Variants in CMC1 observed in about 807,000 individuals in gnomAD.
The protein encoded by CMC1 is COX assembly mitochondrial protein homolog.
In CMC1, 14 loss-of-function variants were observed where a neutral mutation model predicts 14.1. The ratio of observed to expected loss-of-function variants is 0.99; its 90% CI spans 0.66 to 1.55. The LOEUF is 1.55. Among genes scored for constraint, CMC1 ranks in the 40% most tolerant of loss-of-function variants. The pLI is 0.00. For missense variants in CMC1, 127 were observed against 123.8 expected (o/e 1.03, Z -0.12); for synonymous variants, 50 against 38.4 (o/e 1.30, Z -1.12).
rs77259676 is a variant in CMC1, at chr3:28,245,187, T to A, written c.19+3375T>A. 9.3e-3 allele frequency among the ~76,000 whole-genome samples: 1,423 copies of A among 152,320 alleles called. 12 individuals are homozygous for A. The highest frequency in any genetic ancestry group is 0.014 in the Non-Finnish European group (977 of 68,026). On this transcript the variant is annotated intron_variant, in intron 1 of 3. Transcript: ENST00000466830. ...TTTTCATTTGGCAGCAACTTTTAAT[T>A]AACTTTGTAGGGTCTCTGTTTTCCT... is the stretch of plus-strand genomic sequence containing the variant.
intron 2 of CMC1, among the ~76,000 whole-genome samples, chr3:28,293,396 C>A (rs1701582804): frequency 6.6e-6 from 1 of 150,762 alleles, no homozygotes; most frequent in South Asian, 2.1e-4. Context: ...GAAGAGAAAA[C>A]CACTGAAGAG....
intron 1 of CMC1, among the ~76,000 whole-genome samples, chr3:28,246,185 CAA>C (rs879872776): frequency 2.3e-5 from 3 of 131,126 alleles, no homozygotes; most frequent in Admixed American, 1.5e-4. Flanking sequence ...TGGCTCAGAA[CAA>C]AAAAAAAAAG....
rs1698518865 is a variant in CMC1 at position 28,241,696 on chromosome 3, G to C, written c.-98G>C. ...TGTTTCTGTTGCGGGAAGCTCCCGG[G>C]GGTCGCACGTGCGTCCGAGCCCAAG... On this transcript the variant is annotated 5_prime_UTR_variant, in exon 1 of 4. Transcript: ENST00000466830. 6 of 1,237,062 alleles carry C rather than the reference G, an allele frequency of 4.9e-6. No individual in the cohort carries two copies. Among genetic ancestry groups the C allele is most frequent in the Non-Finnish European group, 5.1e-6 (5 of 987,858 alleles). 76.6% of individuals were successfully genotyped at this position (1,237,062 alleles called of 1,614,324 possible).
In CMC1 at chr3:28,285,939, G is replaced by T. The variant is rs183743146; in HGVS notation, c.109+22559G>T. ...GCCACCACACCCGGCTAATTTTTTT[G>T]TATTTTTAGTAGAGACGGGGTTTCA... On this transcript the variant is annotated intron_variant, in intron 2 of 3. Coordinates refer to ENST00000466830, the MANE Select transcript of CMC1 (RefSeq NM_182523.2). Among the ~76,000 whole-genome samples, 190 of 152,018 alleles carry T rather than the reference G, an allele frequency of 1.2e-3. 1 individual carries two copies. In the East Asian group the frequency reaches 0.036, roughly 29 times the overall value.
intron 2 of CMC1, among the ~76,000 whole-genome samples, chr3:28,287,572 A>T (rs1056747222): frequency 2.0e-5 from 3 of 152,138 alleles, no homozygotes; most frequent in Non-Finnish European, 2.9e-5. Context: ...GCACATTTCT[A>T]TACTAAATTT....
intron 1 of CMC1, among the ~76,000 whole-genome samples, chr3:28,247,664 T>A (rs949027733): frequency 2.6e-5 from 4 of 152,216 alleles, no homozygotes; most frequent in African/African-American, 7.2e-5. Flanking sequence ...GTTAGGAATC[T>A]TAGTTGGATA....
At chr3:28,263,725 C>T (rs1453082606) in intron 2 of CMC1, among the ~76,000 whole-genome samples, 1 of 152,020 alleles carries the variant, frequency 6.6e-6, no homozygotes, top group Non-Finnish European at 1.5e-5. Flanking sequence ...TAACATATAC[C>T]TGTTTCCCAT....
chr3:28,243,997 A>G (rs1411297692), intron 1 of CMC1, among the ~76,000 whole-genome samples: 2 of 152,234 alleles, frequency 1.3e-5, no homozygotes, highest in African/African-American at 4.8e-5. Flanking sequence ...GTGCTTGGCC[A>G]TCAGGTAGCA....
chr3:28,245,082 C>A (rs901436746), intron 1 of CMC1, among the ~76,000 whole-genome samples: 1 of 151,598 alleles, frequency 6.6e-6, no homozygotes, highest in African/African-American at 2.4e-5. Flanking sequence ...ATAATAGATA[C>A]ACCAATTGAG....
At chr3:28,267,636 A>G (rs1700073787) in intron 2 of CMC1, among the ~76,000 whole-genome samples, 1 of 152,210 alleles carries the variant, frequency 6.6e-6, no homozygotes, top group Non-Finnish European at 1.5e-5. Context: ...TGTTTGTTTG[A>G]AACATCACAG....
At position 28,324,026 on chromosome 3, in the gene CMC1, G is replaced by A. The variant is rs375666124; in HGVS notation, c.*4397G>A. 5.0e-6 allele frequency: 8 copies of A among 1,584,918 alleles called. No individual in the cohort carries two copies. Among genetic ancestry groups the A allele is most frequent in the South Asian group, 3.4e-5 (3 of 88,776 alleles). On this transcript the variant is annotated 3_prime_UTR_variant, in exon 4 of 4. Transcript: ENST00000466830. ...AGATAAGTGTCCTCATGGTGAAATC[G>A]TGAATCTCTTCCAAATTAATTCTTA... is the stretch of plus-strand genomic sequence containing the variant.
rs1336753787 is a variant in CMC1 at position 28,321,644 on chromosome 3, C to G, written c.*2015C>G. 6.6e-6 allele frequency: 1 copy of G among 151,312 alleles called. No individual in the cohort carries two copies. The highest frequency in any genetic ancestry group is 1.5e-5 in the Non-Finnish European group (1 of 67,526). 9.4% of individuals were successfully genotyped at this position (151,312 alleles called of 1,614,324 possible). The stretch of plus-strand genomic sequence containing the variant: ...TTTACCCCTTAAGATACACCTTCTC[C>G]AAGTAGCCTTTCTGAATTAAGATCA... On this transcript the variant is annotated 3_prime_UTR_variant, in exon 4 of 4. Transcript: ENST00000466830.
chr3:28,300,637 T>G (rs1281425042), intron 2 of CMC1, among the ~76,000 whole-genome samples: 2 of 71,536 alleles, frequency 2.8e-5, no homozygotes, highest in Non-Finnish European at 2.9e-5. Flanking sequence ...CTCCATCCCT[T>G]TCCCTCCCTC....
In CMC1 at chr3:28,244,778, G is replaced by A. The variant is rs115670987; in HGVS notation, c.19+2966G>A. Among the ~76,000 whole-genome samples the A allele has an allele frequency of 6.4e-3, 967 of 151,892 alleles. 8 individuals are homozygous for A. The highest frequency in any genetic ancestry group is 0.022 in the African/African-American group (916 of 41,428). On this transcript the variant is annotated intron_variant, in intron 1 of 3. Transcript: ENST00000466830. ...TAATTCCAGTTTTTGTACGTCAGCA[G>A]CTGGGTGGAAGGTCATGGTCAAATC...
At chr3:28,294,716 G>T (rs528097049) in intron 2 of CMC1, among the ~76,000 whole-genome samples, 13 of 151,984 alleles carry the variant, frequency 8.6e-5, no homozygotes, top group Non-Finnish European at 1.6e-4. Context: ...TTAACTTGTG[G>T]TTCTTTATTT....
intron 2 of CMC1, among the ~76,000 whole-genome samples, chr3:28,295,640 A>T (rs1239333492): frequency 6.6e-6 from 1 of 152,030 alleles, no homozygotes; most frequent in Non-Finnish European, 1.5e-5. Context: ...AGAATAAGAG[A>T]TCCTGGTTTG....
At chr3:28,283,597 G>A (rs1353882619) in intron 2 of CMC1, among the ~76,000 whole-genome samples, 2 of 150,970 alleles carry the variant, frequency 1.3e-5, no homozygotes, top group East Asian at 1.9e-4. Flanking sequence ...ATTCTCTGCA[G>A]TAATATATTG....
At chr3:28,302,898 T>A (rs896280299) in intron 2 of CMC1, among the ~76,000 whole-genome samples, 3 of 152,302 alleles carry the variant, frequency 2.0e-5, no homozygotes, top group African/African-American at 7.2e-5. Context: ...CATGGAAATT[T>A]CTGCCAAGCG....
At chr3:28,319,132 G>T (rs1049269803) in intron 3 of CMC1, 1 of 397,204 alleles carries the variant, frequency 2.5e-6, no homozygotes, top group South Asian at 1.8e-5. Flanking sequence ...AAAATACAAC[G>T]CAAGCATTTC....
Sources: allele counts gnomAD v4.1 joint callset (sites outside exome capture counted in the v4.1 genomes callset), GRCh38; gene constraint gnomAD v4.1.1; transcripts MANE v1.5; gene names NCBI Gene and HGNC (gene_info 2026-07-23, HGNC 2026-07-21).